Variants in JUP observed in about 807,000 individuals in gnomAD.
JUP encodes junction plakoglobin, also known as catenin (cadherin-associated protein), gamma 80kDa.
JUP carries 28 observed loss-of-function variants against 71.1 expected under a neutral mutation model. That is an observed-to-expected ratio of 0.39 (90% CI 0.29 to 0.54). The LOEUF (loss-of-function observed/expected upper bound fraction) is 0.54, where lower values mean the gene tolerates loss of function less well. JUP is among the 20% of genes least tolerant of loss of function. JUP has a pLI of 0.62. For synonymous variants in JUP, 401 were observed against 438.9 expected, an observed-to-expected ratio of 0.91 and a Z score of 1.08; for missense variants, 869 against 1,030.1, an observed-to-expected ratio of 0.84 and a Z score of 2.14.
intron 12 of JUP, among the ~76,000 whole-genome samples, chr17:41,756,831 C>T (rs150693239): frequency 0.032 from 4,814 of 152,038 alleles, 247 homozygotes; most frequent in African/African-American, 0.11. Context: ...AACCGGGAGG[C>T]GGAGGTTGCA....
At position 41,755,571 on chromosome 17, in the gene JUP, C is replaced by T. The variant is rs1372941253; in HGVS notation, c.*173G>A. ...TAGGCCTCCCCATCCCCACCAAAGA[C>T]ACAAGAAGAAGGCAGGCCAGGGCAC... On this transcript the variant is annotated 3_prime_UTR_variant, in exon 14 of 14. Transcript: ENST00000393931. 27 of 580,776 alleles carry T rather than the reference C, an allele frequency of 4.6e-5. No homozygotes were observed. The highest frequency in any genetic ancestry group is 6.4e-5 in the Non-Finnish European group (23 of 359,612). The allele number at this position is 580,776 out of a possible 1,614,324, so 36.0% of individuals were successfully genotyped here.
intron 1 of JUP, among the ~76,000 whole-genome samples, chr17:41,777,670 G>A (rs1211907360): frequency 6.6e-6 from 1 of 152,234 alleles, no homozygotes; most frequent in African/African-American, 2.4e-5. Flanking sequence ...CTTCCAGTCT[G>A]GAGAGCAGCC....
chr17:41,775,879 C>T (rs1029616551), intron 1 of JUP: 7 of 685,704 alleles, frequency 1.0e-5, no homozygotes, highest in African/African-American at 2.0e-5. Flanking sequence ...TCCTCCTCTG[C>T]GCAGCCAACC....
rs575384698 is a variant in JUP, at chr17:41,756,337, C to T, written c.2047-123G>A. 4.9e-4 allele frequency: 441 copies of T among 903,298 alleles called. 1 individual carries two copies. Among genetic ancestry groups the T allele is most frequent in the Non-Finnish European group, 7.3e-4 (410 of 558,460 alleles). 56.0% of individuals were successfully genotyped at this position (903,298 alleles called of 1,614,324 possible). On this transcript the variant is annotated intron_variant, in intron 12 of 13. Coordinates refer to ENST00000393931, the MANE Select transcript of JUP (RefSeq NM_002230.4). ...GGGCCAGGCTGGGTGCCATGGCTCA[C>T]GCCTGTAATCCCAGCACTCTGGGAG... is the stretch of plus-strand genomic sequence containing the variant.
chr17:41,762,911 C>A, intron 8 of JUP, 72 bp downstream of exon 8: 4 of 1,297,096 alleles, frequency 3.1e-6, no homozygotes, highest in Non-Finnish European at 4.4e-6. Context: ...TTTGCTACAG[C>A]GGCTTTGCCT....
chr17:41,764,687 AC>A (rs782563387), intron 7 of JUP, 25 bp downstream of exon 7: 186 of 1,599,420 alleles, frequency 1.2e-4, no homozygotes, highest in Non-Finnish European at 1.4e-4. Context: ...GAAGAGGTCA[AC>A]CCCAGGCCCA....
intron 8 of JUP, 74 bp downstream of exon 8, chr17:41,762,909 A>G (rs1567809230): frequency 2.3e-6 from 3 of 1,283,520 alleles, no homozygotes; most frequent in Non-Finnish European, 2.2e-6. Context: ...TCTTTGCTAC[A>G]GCGGCTTTGC....
chr17:41,780,034 A>G (rs1171824845), intron 1 of JUP, among the ~76,000 whole-genome samples: 1 of 152,082 alleles, frequency 6.6e-6, no homozygotes, highest in Non-Finnish European at 1.5e-5. Context: ...CAGCTTATTG[A>G]TTGCCAAGCC....
At chr17:41,760,989 T>C (rs900530614) in intron 8 of JUP, among the ~76,000 whole-genome samples, 3 of 152,186 alleles carry the variant, frequency 2.0e-5, no homozygotes, top group Admixed American at 1.3e-4. Context: ...CACCTTGCCT[T>C]TGGCTGCCTT....
rs782357007 is a variant in JUP at position 41,764,960 on chromosome 17, G to A, written c.1017C>T (p.Ser339=). The change falls in exon 6 of 14, where the codon TCC becomes TCT. Residue 339 remains serine, a synonymous_variant. Transcript: ENST00000393931. ...TGGCAGGCTTATTGCTGGGACACAC[G>A]GATAGCACCTTGAGCACACGACTGG... The part of the protein sequence containing the change: ...WTTSRVLKVL[S]VCPSNKPAIV... The A allele has an allele frequency of 1.2e-5, 20 of 1,614,060 alleles. No individual in the cohort carries two copies. In the South Asian group the frequency reaches 2.0e-4, roughly 16 times the overall value.
chr17:41,770,961 A>C (rs1916554595), intron 2 of JUP, among the ~76,000 whole-genome samples: 1 of 152,224 alleles, frequency 6.6e-6, no homozygotes, highest in South Asian at 2.1e-4. Context: ...TCCTGCAGCC[A>C]AAGGGCTGCG....
In JUP at chr17:41,769,276, G is replaced by A. The variant is rs1163131828; in HGVS notation, c.469-69C>T. ...GGCCGGGATACCCTTCCACAGAGCTGAGGAGGGCCCCAGTCAGACTCATCA... is the reference window on the plus strand; with the variant it reads ...GGCCGGGATACCCTTCCACAGAGCTAAGGAGGGCCCCAGTCAGACTCATCA... On this transcript the variant is annotated intron_variant, in intron 3 of 13. Transcript: ENST00000393931. 6.4e-6 allele frequency: 10 copies of A among 1,562,430 alleles called. No homozygotes were observed. In the Admixed American group the frequency reaches 1.7e-4, roughly 26 times the overall value.
chr17:41,779,922 T>C lies in JUP; in HGVS notation c.-9+6666A>G, dbSNP rs78968470. Among the ~76,000 whole-genome samples the C allele has an allele frequency of 7.7e-3, 1,168 of 151,510 alleles. 17 individuals carry two copies. Among genetic ancestry groups the C allele is most frequent in the African/African-American group, 0.026 (1,065 of 41,346 alleles). On this transcript the variant is annotated intron_variant, in intron 1 of 13. Coordinates refer to ENST00000393931, the MANE Select transcript of JUP (RefSeq NM_002230.4). ...AAGTCCCGGCCTCAAGCAATCCTCC[T>C]GCCTCAACCTTCAGAGCGGTTGGGA...
intron 8 of JUP, among the ~76,000 whole-genome samples, chr17:41,762,043 T>C (rs782443545): frequency 1.3e-5 from 2 of 150,660 alleles, no homozygotes; most frequent in African/African-American, 2.4e-5. Context: ...CACTCCAGCC[T>C]GGGCAATAGA....
rs1453575903 is a variant in JUP, at chr17:41,768,854, T to C, written c.707+115A>G. ...CACCGAGCACCCGGATGGGGTGTGC[T>C]TCTGCCTGGCACATAGTAGGTGCTC... On this transcript the variant is annotated intron_variant, in intron 4 of 13. Transcript: ENST00000393931. 1.4e-5 allele frequency: 12 copies of C among 861,842 alleles called. No individual in the cohort carries two copies. The Admixed American group carries it at 2.0e-4, about 14-fold the overall frequency. The allele number at this position is 861,842 out of a possible 1,614,324, so 53.4% of individuals were successfully genotyped here.
At chr17:41,777,711 T>C (rs1362504591) in intron 1 of JUP, among the ~76,000 whole-genome samples, 1 of 152,222 alleles carries the variant, frequency 6.6e-6, no homozygotes. Context: ...AGCTGGGGCC[T>C]GGGGGAGGCT....
chr17:41,757,877 G>T, intron 10 of JUP, 93 bp from the exon 11 acceptor site: 1 of 1,080,324 alleles, frequency 9.3e-7, no homozygotes. Context: ...CCTCCACCCT[G>T]TAGCAATTCC....
intron 1 of JUP, chr17:41,772,211 C>T (rs1017781048): frequency 5.1e-6 from 2 of 395,794 alleles, no homozygotes; most frequent in Non-Finnish European, 4.8e-6. Context: ...CCTGACCCAA[C>T]TCTCCCAGGG....
rs552155645 is a variant in JUP at position 41,755,432 on chromosome 17, C to T, written c.*312G>A. The stretch of plus-strand genomic sequence containing the variant: ...AGAGCCTCTCAGATGAGGAACCGCA[C>T]CTGTTAGGGGAGCGGGGACAGACAG... On this transcript the variant is annotated 3_prime_UTR_variant, in exon 14 of 14. Transcript: ENST00000393931. The T allele has an allele frequency of 9.9e-5, 41 of 415,284 alleles. No homozygotes were observed. In the Middle Eastern group the frequency reaches 1.8e-3, roughly 19 times the overall value. The allele number at this position is 415,284 out of a possible 1,614,324, so 25.7% of individuals were successfully genotyped here.
Sources: gnomAD v4.1 joint callset for allele counts (sites outside exome capture counted in the v4.1 genomes callset) on GRCh38, gnomAD v4.1.1 for gene constraint, MANE v1.5 for transcripts, NCBI Gene and HGNC (gene_info 2026-07-23, HGNC 2026-07-21) for gene names.